The following PKHD1 variants were observed in gnomAD, a reference collection of about 807,000 sequenced individuals.
PKHD1 encodes fibrocystin.
PKHD1 carries 291 observed loss-of-function variants against 412.0 expected under a neutral mutation model. That is an observed-to-expected ratio of 0.71 (90% CI 0.64 to 0.78). The LOEUF (loss-of-function observed/expected upper bound fraction) is 0.78, where lower values mean the gene tolerates loss of function less well. Ranked by LOEUF, PKHD1 falls within the 30% of genes least tolerant of loss-of-function variation. The pLI is 0.00. For synonymous variants in PKHD1, 1,777 were observed against 1,821.5 expected (o/e 0.98, Z 0.62); for missense variants, 4,825 against 4,950.7 (o/e 0.97, Z 0.76).
At chr6:51,872,661 G>A (rs149106572) in intron 46 of PKHD1, among the ~76,000 whole-genome samples, 182 of 152,084 alleles carry the variant, frequency 1.2e-3, no homozygotes, top group African/African-American at 3.8e-3. Flanking sequence ...TGCACACCTC[G>A]GCCTCCCAAA....
At chr6:51,952,019 T>C (rs1442667556) in intron 36 of PKHD1, among the ~76,000 whole-genome samples, 1 of 152,198 alleles carries the variant, frequency 6.6e-6, no homozygotes, top group East Asian at 1.9e-4. Flanking sequence ...CATGTTACAA[T>C]ATCCAAGTTG....
intron 51 of PKHD1, among the ~76,000 whole-genome samples, chr6:51,832,675 T>C (rs763800395): frequency 1.2e-4 from 19 of 152,150 alleles, no homozygotes; most frequent in Middle Eastern, 6.8e-3. Context: ...TTTGGCATCA[T>C]CGGCCTAGAA....
chr6:51,774,369 T>C (rs1400645355), intron 54 of PKHD1, among the ~76,000 whole-genome samples: 1 of 152,020 alleles, frequency 6.6e-6, no homozygotes, highest in African/African-American at 2.4e-5. Context: ...AGTTTGACCG[T>C]ACAGCCAGGA....
At chr6:52,084,735 AT>A (rs1812507956) in intron 2 of PKHD1, 146 bp downstream of exon 2, 3 of 719,002 alleles carry the variant, frequency 4.2e-6, no homozygotes, top group Non-Finnish European at 7.8e-6. Flanking sequence ...TGAAAACAGT[AT>A]TTTTAACTCA....
chr6:51,712,680 T>C (rs1243806227), intron 60 of PKHD1, among the ~76,000 whole-genome samples: 2 of 152,216 alleles, frequency 1.3e-5, no homozygotes, highest in African/African-American at 4.8e-5. Flanking sequence ...ATGTAGGGTA[T>C]TGATAAAGGG....
chr6:51,893,112 T>A (rs1214566640), intron 43 of PKHD1, among the ~76,000 whole-genome samples: 2 of 152,178 alleles, frequency 1.3e-5, no homozygotes, highest in Non-Finnish European at 2.9e-5. Flanking sequence ...TGTCTGCAAG[T>A]ATACAATGAG....
intron 35 of PKHD1, among the ~76,000 whole-genome samples, chr6:51,986,596 G>C (rs926443089): frequency 6.6e-6 from 1 of 152,052 alleles, no homozygotes; most frequent in East Asian, 1.9e-4. Flanking sequence ...ATGATCCAGA[G>C]GTATCAACAA....
intron 4 of PKHD1, among the ~76,000 whole-genome samples, chr6:52,080,707 T>G (rs971536756): frequency 6.6e-5 from 10 of 152,230 alleles, no homozygotes; most frequent in African/African-American, 2.4e-4. Flanking sequence ...ACTTGATATG[T>G]GGGTAGTCCC....
In PKHD1 at chr6:52,051,623, A is replaced by G. The variant is rs560815635; in HGVS notation, c.2141-1328T>C. ...ATACACAGAGAATTTGGTGGCAAAG[A>G]GGTGAGGGCAGTAAGAAAAAGTTCT... is the stretch of plus-strand genomic sequence containing the variant. On this transcript the variant is annotated intron_variant, in intron 21 of 66. Coordinates refer to ENST00000371117, the MANE Select transcript of PKHD1 (RefSeq NM_138694.4). Among the ~76,000 whole-genome samples, 6 of 152,242 alleles carry G rather than the reference A, an allele frequency of 3.9e-5. No homozygotes were observed. The South Asian group carries it at 1.2e-3, about 32-fold the overall frequency.
intron 37 of PKHD1, among the ~76,000 whole-genome samples, chr6:51,928,492 A>T (rs551891117): frequency 6.6e-6 from 1 of 152,302 alleles, no homozygotes; most frequent in South Asian, 2.1e-4. Flanking sequence ...GTTTCCCATG[A>T]AATCACAGGT....
At chr6:51,772,657 TA>T in intron 55 of PKHD1, 44 bp downstream of exon 55, 1 of 984,556 alleles carries the variant, frequency 1.0e-6, no homozygotes, top group Non-Finnish European at 1.6e-6. Context: ...AGAAGCAACC[TA>T]AACAACAACC....
chr6:51,790,331 G>A (rs1409197384), intron 53 of PKHD1, among the ~76,000 whole-genome samples: 2 of 152,032 alleles, frequency 1.3e-5, no homozygotes, highest in Non-Finnish European at 2.9e-5. Context: ...TAAGTATATA[G>A]TCTACCCATA....
chr6:51,754,965 A>C, intron 55 of PKHD1, 27 bp from the exon 56 acceptor site: 1 of 1,590,912 alleles, frequency 6.3e-7, no homozygotes, highest in Non-Finnish European at 8.6e-7. Context: ...ATGGCATTGG[A>C]TATACTAACA....
chr6:52,043,231 C>A, intron 26 of PKHD1, 97 bp from the exon 27 acceptor site: 1 of 971,654 alleles, frequency 1.0e-6, no homozygotes, highest in East Asian at 2.6e-5. Flanking sequence ...TGTTCCTTCT[C>A]TGCCCCCATC....
intron 49 of PKHD1, among the ~76,000 whole-genome samples, chr6:51,849,868 C>A (rs532789283): frequency 2.6e-5 from 4 of 152,224 alleles, no homozygotes; most frequent in South Asian, 4.1e-4. Flanking sequence ...ATGATAGTTT[C>A]TTTTGCTGTG....
intron 52 of PKHD1, among the ~76,000 whole-genome samples, chr6:51,795,333 ATTG>A (rs1195827516): frequency 6.6e-6 from 1 of 151,974 alleles, no homozygotes; most frequent in Non-Finnish European, 1.5e-5. Context: ...TGGCTTGTCT[ATTG>A]TTAGTGTATG....
At chr6:51,893,990 C>G (rs1447782190) in intron 43 of PKHD1, among the ~76,000 whole-genome samples, 1 of 152,188 alleles carries the variant, frequency 6.6e-6, no homozygotes, top group African/African-American at 2.4e-5. Flanking sequence ...CCTACATAAA[C>G]ATGGGAGACT....
At chr6:52,051,539 T>C (rs902660504) in intron 21 of PKHD1, among the ~76,000 whole-genome samples, 1 of 152,194 alleles carries the variant, frequency 6.6e-6, no homozygotes, top group Non-Finnish European at 1.5e-5. Flanking sequence ...CCATCTTCCC[T>C]CTTGTCTCCG....
chr6:51,847,894 T>C lies in PKHD1; in HGVS notation c.7988A>G (p.Asp2663Gly). The C allele has an allele frequency of 1.2e-6, 2 of 1,613,944 alleles. No individual in the cohort carries two copies. Among genetic ancestry groups the C allele is most frequent in the Non-Finnish European group, 1.7e-6 (2 of 1,179,796 alleles). Residue 2663 changes from aspartate (D) to glycine (G), a missense_variant, in exon 50 of 67, where the codon GAC becomes GGC. Physicochemically the swap from Asp to Gly is moderately conservative, Grantham distance 94. Transcript: ENST00000371117. ...TCGACTCCCACATCTTAGGAGGATG[T>C]CAGGGTAAGGCGGCAAATCTGTGTG... ...LVHTDLPPYP[D>G]ILLRCGSRVG... is the part of the protein sequence containing the mutation.
Sources: allele counts gnomAD v4.1 joint callset (sites outside exome capture counted in the v4.1 genomes callset), GRCh38; gene constraint gnomAD v4.1.1; transcripts MANE v1.5; gene names NCBI Gene and HGNC (gene_info 2026-07-23, HGNC 2026-07-21).